GRM6: variants seen among roughly 807,000 people sequenced by gnomAD.
The protein encoded by GRM6 is glutamate metabotropic receptor 6.
Under a neutral mutation model 78.4 loss-of-function variants are expected in GRM6, and 73 were observed. The ratio of observed to expected loss-of-function variants is 0.93; its 90% CI spans 0.77 to 1.13. GRM6 has a LOEUF of 1.13. Among genes scored for constraint, GRM6 ranks in the 50% most tolerant of loss-of-function variants. The probability of loss-of-function intolerance (pLI) is 0.00; values close to 1 mark genes in which losing one functional copy is unlikely to be tolerated. For synonymous variants in GRM6, 580 were observed against 555.0 expected (o/e 1.05, Z -0.63); for missense variants, 1,251 against 1,256.4 (o/e 1.00, Z 0.07).
At position 178,983,518 on chromosome 5, in the gene GRM6, T is replaced by G. The variant is rs17078888; in HGVS notation, c.2125-297A>C. On this transcript the variant is annotated intron_variant, in intron 9 of 10. Coordinates refer to ENST00000517717, the MANE Select transcript of GRM6 (RefSeq NM_000843.4). ...GCAGTGTGCATAAGGGGCAGCTTGG[T>G]GTCCTCTTCCTGCATTCTAGCCATT... 27,747 of 605,960 alleles carry G rather than the reference T, an allele frequency of 0.046. 1,026 individuals carry two copies. Among genetic ancestry groups the G allele is most frequent in the East Asian group, 0.15 (4,256 of 28,418 alleles). 37.5% of individuals were successfully genotyped at this position (605,960 alleles called of 1,614,324 possible). A position where few individuals can be genotyped will look rare whatever the true frequency, so the allele number is the denominator to read the frequency against.
rs893164706 is a variant in GRM6 at position 178,988,560 on chromosome 5, TC to T, written c.1354+374del. ...CGCATGACTCAGAGTGGGCGGCATG[TC>T]CCTGGGTAGGCGCCCCACGCAGTCT... On this transcript the variant is annotated intron_variant, in intron 7 of 10. Transcript: ENST00000517717. This position sits in a 1 kb window ranked among gnomAD's most constrained non-coding sequence, Gnocchi z 6.0. 3.8e-4 allele frequency among the ~76,000 whole-genome samples: 58 copies of T among 152,248 alleles called. No homozygotes were observed. The highest frequency in any genetic ancestry group is 1.3e-3 in the African/African-American group (56 of 41,552).
intron 7 of GRM6, chr5:178,987,440 C>T (rs568997493): frequency 4.4e-6 from 2 of 457,716 alleles, no homozygotes; most frequent in Admixed American, 2.3e-5. Context: ...TGGACGAACA[C>T]GACGGGGCCA....
At chr5:178,989,707 A>G in intron 5 of GRM6, 1 of 488,674 alleles carries the variant, frequency 2.0e-6, no homozygotes. Context: ...GAGCCTCACC[A>G]TTTGAAAGAC....
intron 9 of GRM6, chr5:178,985,652 G>A (rs1265782897): frequency 2.1e-4 from 80 of 388,458 alleles, no homozygotes; most frequent in South Asian, 9.9e-4. Flanking sequence ...GCAGGGAGCT[G>A]AGATAGTGCC....
chr5:178,988,826 C>T lies in GRM6; in HGVS notation c.1354+109G>A, dbSNP rs1581896218. On this transcript the variant is annotated intron_variant, in intron 7 of 10. Transcript: ENST00000517717. The surrounding 1 kb of genome is among the most constrained non-coding windows in gnomAD (Gnocchi z 6.0). Reference sequence around the variant, plus strand: ...CTCAGCCCCAGGCACCCCCATTAGACCACTCAGCCTCACCCAGCCCTTCCA... The same window carrying T: ...CTCAGCCCCAGGCACCCCCATTAGATCACTCAGCCTCACCCAGCCCTTCCA... 3.3e-5 allele frequency: 29 copies of T among 869,596 alleles called. No homozygotes were observed. The East Asian group carries it at 7.7e-4, about 23-fold the overall frequency. The allele number at this position is 869,596 out of a possible 1,614,324, so 53.9% of individuals were successfully genotyped here. A position where few individuals can be genotyped will look rare whatever the true frequency, so the allele number is the denominator to read the frequency against.
In GRM6 at chr5:178,989,104, G is replaced by A. The variant is rs146746317; in HGVS notation, c.1185C>T (p.Tyr395=). The change falls in exon 7 of 11, where the codon TAC becomes TAT. Residue 395 remains tyrosine (Y), a synonymous_variant. Transcript: ENST00000517717. ...GEERIGRDST[Y]EQEGKVQFVI... ...CAAACTGCACCTTGCCCTCCTGCTC[G>A]TAGGTGGAGTCCCGGCCGATGCGTT... is the stretch of plus-strand genomic sequence containing the variant. 20 of 1,614,102 alleles carry A rather than the reference G, an allele frequency of 1.2e-5. No individual in the cohort carries two copies. The highest frequency in any genetic ancestry group is 3.3e-5 in the Admixed American group (2 of 60,020).
chr5:178,984,020 T>C (rs28427314), intron 9 of GRM6, among the ~76,000 whole-genome samples: 1,989 of 152,274 alleles, frequency 0.013, 51 homozygotes, highest in African/African-American at 0.045. Flanking sequence ...TGCTTTGCAG[T>C]CATCTGCCCA....
chr5:178,982,971 G>T lies in GRM6; in HGVS notation c.2375C>A (p.Thr792Asn), dbSNP rs748240675. The stretch of plus-strand genomic sequence containing the variant: ...CACGAATGCCAGCCAGATGATGCAG[G>T]TGGTGTACATGGTGAAGCCGATGGG... ...AKPIGFTMYT[T>N]CIIWLAFVPI... Residue 792 changes from threonine to asparagine, a missense_variant, in exon 10 of 11, where the codon ACC becomes AAC. Physicochemically the swap from Thr to Asn is moderately conservative, Grantham distance 65. Coordinates refer to ENST00000517717, the MANE Select transcript of GRM6 (RefSeq NM_000843.4). The T allele has an allele frequency of 6.2e-7, 1 of 1,614,222 alleles. No homozygotes were observed. Among genetic ancestry groups the T allele is most frequent in the Admixed American group, 1.7e-5 (1 of 60,032 alleles).
At chr5:178,983,925 G>A (rs939766453) in intron 9 of GRM6, among the ~76,000 whole-genome samples, 1 of 152,196 alleles carries the variant, frequency 6.6e-6, no homozygotes, top group African/African-American at 2.4e-5. Context: ...CCTGATTGGG[G>A]GCAGGGGTGG....
rs766395429 is a variant in GRM6, at chr5:178,981,713, C to A, written c.2578G>T (p.Ala860Ser). 2.2e-5 allele frequency: 36 copies of A among 1,613,964 alleles called. No individual in the cohort carries two copies. Among genetic ancestry groups the A allele is most frequent in the Non-Finnish European group, 2.7e-5 (32 of 1,179,988 alleles). The change falls in exon 11 of 11, where the codon GCC (alanine) becomes TCC (serine). Residue 860 changes from alanine (A) to serine (S), a missense_variant. By Grantham distance (99) the Ala-to-Ser change is moderately conservative (BLOSUM62 1). Transcript: ENST00000517717. This position sits in a 1 kb window ranked among gnomAD's most constrained non-coding sequence, Gnocchi z 5.1. ...GGTGGGGCTGCCACCGTGGAGGTGG[C>A]CTTGAGGCTCCGCTTTCGCTTCTGC... is the stretch of plus-strand genomic sequence containing the variant. Reference protein sequence around the residue: ...NVQKRKRSLKATSTVAAPPKG... With the variant: ...NVQKRKRSLKSTSTVAAPPKG...
intron 5 of GRM6, chr5:178,989,903 C>A: frequency 4.4e-6 from 1 of 229,138 alleles, no homozygotes. Flanking sequence ...CTGCCCCATG[C>A]CTAAAGTCAC....
In GRM6 at chr5:178,994,783, G is replaced by A. The variant is rs1441068298; in HGVS notation, c.162C>T (p.Gly54=). ...LFPVHARGAA[G]RACGQLKKEQ... ...CCTTCTTCAGCTGCCCGCACGCCCGGCCCGCCGCGCCCCGCGCGTGCACCG... is the reference window on the plus strand; with the variant it reads ...CCTTCTTCAGCTGCCCGCACGCCCGACCCGCCGCGCCCCGCGCGTGCACCG... Residue 54 remains glycine (G), a synonymous_variant, in exon 2 of 11, where the codon GGC becomes GGT. Transcript: ENST00000517717. 1 of 1,330,732 alleles carries A rather than the reference G, an allele frequency of 7.5e-7. No individual in the cohort carries two copies. Among genetic ancestry groups the A allele is most frequent in the Admixed American group, 3.1e-5 (1 of 32,208 alleles). 82.4% of individuals were successfully genotyped at this position (1,330,732 alleles called of 1,614,324 possible).
chr5:178,989,307 T>C lies in GRM6; in HGVS notation c.1111A>G (p.Ser371Gly), dbSNP rs762061863. The C allele has an allele frequency of 1.9e-6, 3 of 1,613,286 alleles. No individual in the cohort carries two copies. The highest frequency in any genetic ancestry group is 1.7e-4 in the Middle Eastern group (1 of 6,040). The stretch of plus-strand genomic sequence containing the variant: ...GAATCGTCTGACTGGGTACCTGAGC[T>C]GGTCAGTTTGCAGTTAAAATTCTCT... ...WEENFNCKLT[S>G]SGTQSDDSTR... The change falls in exon 6 of 11, where the codon AGC becomes GGC. Residue 371 changes from serine (S) to glycine (G), a missense_variant. Ser to Gly is a moderately conservative substitution (Grantham distance 56). Transcript: ENST00000517717.
intron 5 of GRM6, chr5:178,989,620 G>C: frequency 1.6e-6 from 1 of 628,186 alleles, no homozygotes; most frequent in South Asian, 1.8e-5. Context: ...GGCGTGGCCA[G>C]GTGACCAAGT....
rs1277870068 is a variant in GRM6 at position 178,986,976 on chromosome 5, T to C, written c.1362A>G (p.Ala454=). 3 of 1,613,502 alleles carry C rather than the reference T, an allele frequency of 1.9e-6. No individual in the cohort carries two copies. In the African/African-American group the frequency reaches 4.0e-5, roughly 22 times the overall value. The stretch of plus-strand genomic sequence containing the variant: ...TCTCGTTGAACATCACAGGGGTTCC[T>C]GCGCTGCCTGGAGAGAGAGTCCGTC... ...YIRAVRFNGS[A]GTPVMFNENG... Residue 454 remains alanine (A), a synonymous_variant, in exon 8 of 11, where the codon GCA becomes GCG. Coordinates refer to ENST00000517717, the MANE Select transcript of GRM6 (RefSeq NM_000843.4).
At chr5:178,984,943 G>A (rs531208105) in intron 9 of GRM6, among the ~76,000 whole-genome samples, 2 of 152,064 alleles carry the variant, frequency 1.3e-5, no homozygotes, top group African/African-American at 4.8e-5. Flanking sequence ...TCTGTCTCTC[G>A]TACTCTTCAC....
rs754082113 is a variant in GRM6, at chr5:178,992,086, G to A, written c.505-3C>T. 1.2e-6 allele frequency: 2 copies of A among 1,609,186 alleles called. No individual in the cohort carries two copies. Among genetic ancestry groups the A allele is most frequent in the Admixed American group, 1.7e-5 (1 of 59,970 alleles). ...GAGGCATAGCTGATCTGGGGTATCT[G>A]TGGGGCAGGAAGGACAGCTGGGCTG... On this transcript the variant is annotated splice_region_variant and splice_polypyrimidine_tract_variant and intron_variant, in intron 2 of 10. Transcript: ENST00000517717. The surrounding 1 kb of genome is among the most constrained non-coding windows in gnomAD (Gnocchi z 4.9).
chr5:178,987,611 T>TTCA, intron 7 of GRM6: 1 of 369,786 alleles, frequency 2.7e-6, no homozygotes, highest in Non-Finnish European at 5.4e-6. Context: ...GGGTAGACAA[T>TTCA]TCATAGAGAG....
intron 9 of GRM6, chr5:178,985,665 T>C (rs181279078): frequency 3.1e-4 from 123 of 391,982 alleles, no homozygotes; most frequent in South Asian, 5.2e-4. Flanking sequence ...ATAGTGCCAC[T>C]GCACTCCAGC....
Sources: allele counts gnomAD v4.1 joint callset (sites outside exome capture counted in the v4.1 genomes callset), GRCh38; gene constraint gnomAD v4.1.1; non-coding constraint Gnocchi (gnomAD v3.1); transcripts MANE v1.5; gene names NCBI Gene and HGNC (gene_info 2026-07-23, HGNC 2026-07-21).